Variants in STATH observed in about 807,000 individuals in gnomAD.
STATH encodes the protein statherin.
Under a neutral mutation model 13.3 loss-of-function variants are expected in STATH, and 11 were observed. That is an observed-to-expected ratio of 0.83 (90% CI 0.52 to 1.37). The LOEUF is 1.37. Among genes scored for constraint, STATH ranks in the 40% most tolerant of loss-of-function variants. The pLI is 0.00. For synonymous variants in STATH, 25 were observed against 23.6 expected (o/e 1.06, Z -0.17); for missense variants, 78 against 73.3 (o/e 1.06, Z -0.24).
chr4:69,996,463 C>G (rs1289994443), intron 1 of STATH, among the ~76,000 whole-genome samples: 1 of 152,144 alleles, frequency 6.6e-6, no homozygotes, highest in East Asian at 1.9e-4. Context: ...CATAAGTAAA[C>G]ATTTCTCACT....
At chr4:69,997,802 G>A (rs1223756733) in intron 1 of STATH, among the ~76,000 whole-genome samples, 2 of 151,988 alleles carry the variant, frequency 1.3e-5, no homozygotes, top group African/African-American at 2.4e-5. Context: ...TAATCTGAAG[G>A]TGACCCCATT....
chr4:70,001,062 T>A, intron 5 of STATH, 80 bp downstream of exon 5: 3 of 942,362 alleles, frequency 3.2e-6, no homozygotes, highest in East Asian at 2.4e-5. Context: ...AAACAAGACA[T>A]TAAACCAACA....
At chr4:70,000,832 T>A (rs746605232) in intron 4 of STATH, 31 bp from the exon 5 acceptor site, 1 of 1,558,742 alleles carries the variant, frequency 6.4e-7, no homozygotes, top group Non-Finnish European at 8.8e-7. Flanking sequence ...CTCAATTTTC[T>A]GCAATTTTCT....
chr4:69,999,536 A>T, intron 2 of STATH, 131 bp from the exon 3 acceptor site: 1 of 808,816 alleles, frequency 1.2e-6, no homozygotes, highest in African/African-American at 1.7e-5. Flanking sequence ...AAAAATAACT[A>T]ATTTAGTGTC....
chr4:70,000,184 T>A (rs17147920), intron 4 of STATH: 10,045 of 196,762 alleles, frequency 0.051, 1,095 homozygotes, highest in African/African-American at 0.22. Flanking sequence ...TCTGATTTTT[T>A]TTGACGGTGA....
At chr4:70,000,665 G>A (rs1189442421) in intron 4 of STATH, 198 bp from the exon 5 acceptor site, 2 of 560,644 alleles carry the variant, frequency 3.6e-6, no homozygotes, top group Non-Finnish European at 6.4e-6. Context: ...CAGTACAAAG[G>A]TAAACACTCA....
chr4:69,996,849 G>T lies in STATH; in HGVS notation c.-16+824G>T, dbSNP rs140122418. On this transcript the variant is annotated intron_variant, in intron 1 of 5. Coordinates refer to ENST00000246895, the MANE Select transcript of STATH (RefSeq NM_003154.3). ...TTTTTGCATCATAAAATGACTGATG[G>T]GTAGGTTTATCTATCAGGTGATAGA... is the stretch of plus-strand genomic sequence containing the variant. Among the ~76,000 whole-genome samples the T allele has an allele frequency of 1.3e-3, 197 of 151,004 alleles. 1 individual carries two copies. Among genetic ancestry groups the T allele is most frequent in the African/African-American group, 4.5e-3 (185 of 41,154 alleles).
intron 2 of STATH, chr4:69,998,705 G>T (rs548503444): frequency 3.5e-4 from 130 of 370,338 alleles, no homozygotes; most frequent in Non-Finnish European, 5.5e-4. Context: ...AGTATATTTA[G>T]CTTAGTGTGA....
At position 69,998,436 on chromosome 4, in the gene STATH, C is replaced by T. The variant is rs145293042; in HGVS notation, c.-2C>T. 4.9e-5 allele frequency: 79 copies of T among 1,611,374 alleles called. No individual in the cohort carries two copies. The African/African-American group carries it at 9.9e-4, about 20-fold the overall frequency. On this transcript the variant is annotated 5_prime_UTR_variant, in exon 2 of 6. Coordinates refer to ENST00000246895, the MANE Select transcript of STATH (RefSeq NM_003154.3). Reference sequence around the variant, plus strand: ...ATATGTTTTCAGAGAACCCAGCCAACTATGAAGTTCCTTGTCTTTGCCTTC... The same window carrying T: ...ATATGTTTTCAGAGAACCCAGCCAATTATGAAGTTCCTTGTCTTTGCCTTC...
At chr4:69,997,030 C>G (rs1463549827) in intron 1 of STATH, among the ~76,000 whole-genome samples, 1 of 150,982 alleles carries the variant, frequency 6.6e-6, no homozygotes, top group African/African-American at 2.4e-5. Flanking sequence ...CTCCACCTCC[C>G]GGGCTCAAGT....
chr4:69,997,355 A>G (rs905490966), intron 1 of STATH, among the ~76,000 whole-genome samples: 6 of 152,184 alleles, frequency 3.9e-5, no homozygotes, highest in African/African-American at 1.4e-4. Context: ...TATTAATAAC[A>G]GTAATTTTTT....
intron 5 of STATH, among the ~76,000 whole-genome samples, chr4:70,001,580 T>C (rs1239759591): frequency 1.3e-5 from 2 of 151,930 alleles, no homozygotes; most frequent in East Asian, 3.9e-4. Flanking sequence ...AACAAGAAAA[T>C]ATGGAAATGT....
intron 1 of STATH, among the ~76,000 whole-genome samples, chr4:69,998,140 C>T (rs1339109338): frequency 6.6e-6 from 1 of 152,100 alleles, no homozygotes; most frequent in Non-Finnish European, 1.5e-5. Context: ...CCAACTCAAG[C>T]TTTACTTTCT....
At chr4:70,001,107 G>C in intron 5 of STATH, 125 bp downstream of exon 5, 1 of 630,294 alleles carries the variant, frequency 1.6e-6, no homozygotes, top group South Asian at 1.9e-5. Flanking sequence ...CAGCTGTATA[G>C]CTCCTTGAAA....
intron 1 of STATH, 97 bp from the exon 2 acceptor site, chr4:69,998,326 G>A: frequency 5.0e-6 from 4 of 792,310 alleles, no homozygotes; most frequent in Non-Finnish European, 2.1e-6. Flanking sequence ...TATCTGGAGT[G>A]TGTCTCCCAG....
intron 1 of STATH, among the ~76,000 whole-genome samples, chr4:69,997,790 T>A (rs1724548598): frequency 6.6e-6 from 1 of 152,152 alleles, no homozygotes; most frequent in Non-Finnish European, 1.5e-5. Flanking sequence ...TCATTAATGT[T>A]CTAATCTGAA....
rs373112118 is a variant in STATH at position 69,998,394 on chromosome 4, T to A, written c.-15-29T>A. On this transcript the variant is annotated intron_variant, in intron 1 of 5. Coordinates refer to ENST00000246895, the MANE Select transcript of STATH (RefSeq NM_003154.3). ...TGATGGGCGAATGCAAGAAAAAATG[T>A]GATACTGAATTTCCACATATGTTTT... 607 of 1,578,696 alleles carry A rather than the reference T, an allele frequency of 3.8e-4. 2 individuals are homozygous for A. Among genetic ancestry groups the A allele is most frequent in the South Asian group, 2.3e-3 (201 of 89,302 alleles).
intron 4 of STATH, among the ~76,000 whole-genome samples, chr4:70,000,549 G>T (rs1377673447): frequency 6.6e-6 from 1 of 151,738 alleles, no homozygotes; most frequent in South Asian, 2.1e-4. Flanking sequence ...TGGGCAAAAT[G>T]GTTGCTGGGA....
At chr4:69,998,251 TTATCAG>T in intron 1 of STATH, 166 bp from the exon 2 acceptor site, 1 of 565,514 alleles carries the variant, frequency 1.8e-6, no homozygotes, top group South Asian at 2.3e-5. Context: ...TCACTTTTAC[TTATCAG>T]TGTCTCCAAC....
Sources: gnomAD v4.1 joint callset for allele counts (sites outside exome capture counted in the v4.1 genomes callset) on GRCh38, gnomAD v4.1.1 for gene constraint, MANE v1.5 for transcripts, NCBI Gene and HGNC (gene_info 2026-07-23, HGNC 2026-07-21) for gene names.